NWD2: variants seen among roughly 807,000 people sequenced by gnomAD.
The protein encoded by NWD2 is NACHT and WD repeat domain containing 2.
NWD2 carries 37 observed loss-of-function variants against 132.7 expected under a neutral mutation model. The ratio of observed to expected loss-of-function variants is 0.28; its 90% CI spans 0.21 to 0.37. NWD2 has a LOEUF of 0.37. Ranked by LOEUF, NWD2 falls within the 10% of genes least tolerant of loss-of-function variation. NWD2 has a pLI of 1.00. For missense variants in NWD2, 1,592 were observed against 2,122.4 expected, an observed-to-expected ratio of 0.75 and a Z score of 4.91; for synonymous variants, 705 against 803.0, an observed-to-expected ratio of 0.88 and a Z score of 2.06.
At chr4:37,421,263 G>C (rs759038603) in intron 3 of NWD2, among the ~76,000 whole-genome samples, 27 of 152,058 alleles carry the variant, frequency 1.8e-4, no homozygotes, top group Non-Finnish European at 2.5e-4. Flanking sequence ...ATTTTGTAAG[G>C]CAACTGCCAG....
chr4:37,247,582 A>G (rs961838500), intron 1 of NWD2, among the ~76,000 whole-genome samples: 68 of 151,840 alleles, frequency 4.5e-4, no homozygotes, highest in African/African-American at 1.5e-3. Flanking sequence ...AACGAAGATA[A>G]TAGAATGAAA....
chr4:37,438,031 G>A (rs1335110402), intron 5 of NWD2, among the ~76,000 whole-genome samples: 1 of 152,136 alleles, frequency 6.6e-6, no homozygotes, highest in Non-Finnish European at 1.5e-5. Flanking sequence ...GGAGGCTGAG[G>A]CAGGTGGATC....
chr4:37,266,348 T>C (rs998880305), intron 1 of NWD2, among the ~76,000 whole-genome samples: 2 of 152,120 alleles, frequency 1.3e-5, no homozygotes, highest in African/African-American at 4.8e-5. Flanking sequence ...GAACATGATC[T>C]GGACTATTTT....
chr4:37,385,108 G>GTAGA (rs1720533655), intron 3 of NWD2, among the ~76,000 whole-genome samples: 1 of 152,162 alleles, frequency 6.6e-6, no homozygotes, highest in Admixed American at 6.5e-5. Context: ...ATGGAGTGAT[G>GTAGA]TAGACACCTG....
intron 3 of NWD2, among the ~76,000 whole-genome samples, chr4:37,370,370 C>A (rs1397237462): frequency 6.6e-6 from 1 of 152,096 alleles, no homozygotes; most frequent in African/African-American, 2.4e-5. Flanking sequence ...TATTTATATG[C>A]CACCAGCAAT....
chr4:37,338,685 G>T lies in NWD2; in HGVS notation c.240+12661G>T, dbSNP rs536852254. 6.3e-4 allele frequency among the ~76,000 whole-genome samples: 96 copies of T among 152,290 alleles called. No individual in the cohort carries two copies. In the South Asian group the frequency reaches 0.018, roughly 29 times the overall value. On this transcript the variant is annotated intron_variant, in intron 2 of 6. Transcript: ENST00000309447. ...TAGCGTGGCCTTACTAATAATTTCT[G>T]AATTGGGCAATCACTTACTGTCACA...
chr4:37,414,669 G>A (rs1711533254), intron 3 of NWD2, among the ~76,000 whole-genome samples: 1 of 151,940 alleles, frequency 6.6e-6, no homozygotes, highest in African/African-American at 2.4e-5. Context: ...GCTGGAAGTG[G>A]GTACAGTGAC....
intron 1 of NWD2, among the ~76,000 whole-genome samples, chr4:37,325,473 G>A (rs1719150681): frequency 6.6e-6 from 1 of 152,086 alleles, no homozygotes; most frequent in Admixed American, 6.6e-5. Context: ...TATCTGAATA[G>A]GTAGCAATGG....
chr4:37,355,936 G>A (rs1475532082), intron 2 of NWD2, among the ~76,000 whole-genome samples: 2 of 151,832 alleles, frequency 1.3e-5, no homozygotes, highest in Non-Finnish European at 2.9e-5. Context: ...TGTTTGACTT[G>A]AAATCAGTGT....
intron 3 of NWD2, among the ~76,000 whole-genome samples, chr4:37,373,219 TAGG>T (rs1720267583): frequency 6.6e-6 from 1 of 152,200 alleles, no homozygotes; most frequent in African/African-American, 2.4e-5. Flanking sequence ...GGCACTCAAC[TAGG>T]ATTTCAAGCC....
chr4:37,407,087 A>G (rs1577693512), intron 3 of NWD2, among the ~76,000 whole-genome samples: 1 of 152,052 alleles, frequency 6.6e-6, no homozygotes, highest in East Asian at 1.9e-4. Flanking sequence ...GGGCTAGGGG[A>G]AGGAGGGCAT....
At chr4:37,326,194 A>G (rs977032666) in intron 2 of NWD2, among the ~76,000 whole-genome samples, 170 bp downstream of exon 2, 1 of 152,104 alleles carries the variant, frequency 6.6e-6, no homozygotes, top group African/African-American at 2.4e-5. Flanking sequence ...GTATTTCATC[A>G]TTTTTTATGT....
In NWD2 at chr4:37,447,943, G is replaced by T. The variant is rs1335581704; in HGVS notation, c.*726G>T. 2.6e-5 allele frequency: 4 copies of T among 152,140 alleles called. No homozygotes were observed. Among genetic ancestry groups the T allele is most frequent in the African/African-American group, 7.2e-5 (3 of 41,438 alleles). 9.4% of individuals were successfully genotyped at this position (152,140 alleles called of 1,614,324 possible). A position where few individuals can be genotyped will look rare whatever the true frequency, so the allele number is the denominator to read the frequency against. ...TTAAACTATTTCCTGGGTTGCAAAA[G>T]AACACATTTAGTAAGAAACAACAAT... is the stretch of plus-strand genomic sequence containing the variant. On this transcript the variant is annotated 3_prime_UTR_variant, in exon 7 of 7. Coordinates refer to ENST00000309447, the MANE Select transcript of NWD2 (RefSeq NM_001144990.2).
intron 1 of NWD2, among the ~76,000 whole-genome samples, chr4:37,280,388 A>G (rs1481145605): frequency 1.3e-5 from 2 of 152,102 alleles, no homozygotes; most frequent in Non-Finnish European, 1.5e-5. Context: ...AGGTCATCCC[A>G]TGGCAGGATG....
At chr4:37,388,045 C>T (rs1313655744) in intron 3 of NWD2, among the ~76,000 whole-genome samples, 1 of 152,086 alleles carries the variant, frequency 6.6e-6, no homozygotes, top group Non-Finnish European at 1.5e-5. Flanking sequence ...CCAATCTGTG[C>T]TTTAGTTTCC....
At position 37,394,009 on chromosome 4, in the gene NWD2, A is replaced by G. The variant is rs1386835125; in HGVS notation, c.358-36563A>G. Among the ~76,000 whole-genome samples the G allele has an allele frequency of 3.4e-4, 52 of 152,252 alleles. 1 individual carries two copies. ...AGCCTCTAAGAAAGATGGAAAATTA[A>G]TTGGGGAAGAGAAACCTGCAGTGGG... On this transcript the variant is annotated intron_variant, in intron 3 of 6. Transcript: ENST00000309447.
chr4:37,432,729 G>C (rs1008116923), intron 4 of NWD2, among the ~76,000 whole-genome samples: 1 of 152,038 alleles, frequency 6.6e-6, no homozygotes, highest in Non-Finnish European at 1.5e-5. Flanking sequence ...TTATATTCAT[G>C]CATCTTATAG....
intron 1 of NWD2, among the ~76,000 whole-genome samples, chr4:37,285,217 C>T (rs1022396369): frequency 3.3e-5 from 5 of 152,082 alleles, no homozygotes; most frequent in African/African-American, 1.2e-4. Flanking sequence ...GTGAACGTTC[C>T]AACACACTAT....
chr4:37,429,635 C>A (rs1340193121), intron 3 of NWD2, among the ~76,000 whole-genome samples: 1 of 152,176 alleles, frequency 6.6e-6, no homozygotes, highest in Admixed American at 6.5e-5. Context: ...CTTATGTATA[C>A]CATTTTATAA....
Sources: allele counts gnomAD v4.1 joint callset (sites outside exome capture counted in the v4.1 genomes callset), GRCh38; gene constraint gnomAD v4.1.1; transcripts MANE v1.5; gene names NCBI Gene and HGNC (gene_info 2026-07-23, HGNC 2026-07-21).